The following ACADS variants were observed in gnomAD, a reference collection of about 807,000 sequenced individuals.
ACADS encodes acyl-CoA dehydrogenase short chain, also known as short-chain specific acyl-CoA dehydrogenase, mitochondrial.
ACADS carries 28 observed loss-of-function variants against 46.8 expected under a neutral mutation model. The observed-to-expected ratio is 0.60, with a 90% CI of 0.44 to 0.82. The LOEUF is 0.82. Among genes scored for constraint, ACADS ranks in the 40% least tolerant of loss-of-function variants. The pLI, the probability that ACADS is intolerant of heterozygous loss-of-function variation, is 0.00. For synonymous variants in ACADS, 236 were observed against 237.7 expected, an observed-to-expected ratio of 0.99 and a Z score of 0.07; for missense variants, 528 against 578.0, an observed-to-expected ratio of 0.91 and a Z score of 0.89.
At chr12:120,736,025 G>A (rs542592956) in intron 2 of ACADS, among the ~76,000 whole-genome samples, 1 of 151,830 alleles carries the variant, frequency 6.6e-6, no homozygotes, top group African/African-American at 2.4e-5. Flanking sequence ...CCCTGTCCCC[G>A]TCCCTGTCCC....
rs1883155865 is a variant in ACADS, at chr12:120,728,471, CTGTT to C, written c.210+1284_210+1287del. On this transcript the variant is annotated intron_variant, in intron 2 of 9. Transcript: ENST00000242592. This position sits in a 1 kb window ranked among gnomAD's most constrained non-coding sequence, Gnocchi z 4.0. ...AACCTCTCCGGCCTCTTCTCCTTGCCTGTTTTTTTTTTTAATTTTAATTTTAATT... is the reference window on the plus strand; with the variant it reads ...AACCTCTCCGGCCTCTTCTCCTTGCCTTTTTTTTTAATTTTAATTTTAATT... Among the ~76,000 whole-genome samples the C allele has an allele frequency of 7.8e-6, 1 of 128,810 alleles. No homozygotes were observed. The highest frequency in any genetic ancestry group is 1.7e-5 in the Non-Finnish European group (1 of 59,480). 84.5% of individuals were successfully genotyped at this position (128,810 alleles called of 152,430 possible).
chr12:120,736,553 G>C (rs928579424), intron 2 of ACADS, among the ~76,000 whole-genome samples: 7 of 152,228 alleles, frequency 4.6e-5, no homozygotes, highest in Non-Finnish European at 8.8e-5. Context: ...ATCAGAAGGA[G>C]AGGAGGGGCA....
chr12:120,735,472 C>CCT (rs1204449168), intron 2 of ACADS, among the ~76,000 whole-genome samples: 1 of 151,340 alleles, frequency 6.6e-6, no homozygotes, highest in Non-Finnish European at 1.5e-5. Context: ...CTCAGTCAGG[C>CCT]CTCAGAACAG....
At chr12:120,736,399 TG>T (rs1221205026) in intron 2 of ACADS, among the ~76,000 whole-genome samples, 1 of 152,186 alleles carries the variant, frequency 6.6e-6, no homozygotes, top group African/African-American at 2.4e-5. Context: ...TGTGCCCTCG[TG>T]GTGAAGGCAA....
chr12:120,737,225 T>A, intron 3 of ACADS, 90 bp downstream of exon 3: 3 of 1,537,908 alleles, frequency 2.0e-6, no homozygotes, highest in Non-Finnish European at 2.6e-6. Flanking sequence ...AGCCCTGATC[T>A]CTCTGGAGAC....
intron 2 of ACADS, among the ~76,000 whole-genome samples, chr12:120,727,426 T>C (rs1233117411): frequency 1.3e-5 from 2 of 152,254 alleles, no homozygotes; most frequent in Non-Finnish European, 2.9e-5. Flanking sequence ...TGCCAGCCAC[T>C]GTGCTCATTC....
intron 2 of ACADS, among the ~76,000 whole-genome samples, chr12:120,735,348 TAAAAAAAAAAAAAA>T (rs756263687): frequency 1.4e-5 from 1 of 72,244 alleles, no homozygotes; most frequent in Non-Finnish European, 2.6e-5. Context: ...GCGCAGTCCT[TAAAAAAAAAAAAAA>T]AAAAAAAAAA....
chr12:120,731,455 G>GTTTT (rs71076649), intron 2 of ACADS, among the ~76,000 whole-genome samples: 1 of 126,230 alleles, frequency 7.9e-6, no homozygotes, highest in Non-Finnish European at 1.6e-5. Context: ...TAATAAAATA[G>GTTTT]TTTTTTTTTT....
At position 120,732,288 on chromosome 12, in the gene ACADS, G is replaced by C. The variant is rs562857095; in HGVS notation, c.211-4698G>C. ...GCTGACCCCCACCTCCCTCCCGGAC[G>C]GGGCGGCTGGCCGGGCGGGGGCTGC... On this transcript the variant is annotated intron_variant, in intron 2 of 9. Transcript: ENST00000242592. Among the ~76,000 whole-genome samples the C allele has an allele frequency of 5.1e-3, 769 of 150,258 alleles. 6 individuals carry two copies. Among genetic ancestry groups the C allele is most frequent in the African/African-American group, 0.018 (744 of 40,486 alleles).
At position 120,728,629 on chromosome 12, in the gene ACADS, C is replaced by A. The variant is rs1883159118; in HGVS notation, c.210+1440C>A. On this transcript the variant is annotated intron_variant, in intron 2 of 9. Transcript: ENST00000242592. This position sits in a 1 kb window ranked among gnomAD's most constrained non-coding sequence, Gnocchi z 4.0. ...AAACAATTGTTTCCTGCCTCAGCCTCCCGAGTAGCTGGGATTACAGGCGCA... is the reference window on the plus strand; with the variant it reads ...AAACAATTGTTTCCTGCCTCAGCCTACCGAGTAGCTGGGATTACAGGCGCA... 6.6e-6 allele frequency among the ~76,000 whole-genome samples: 1 copy of A among 151,942 alleles called. No individual in the cohort carries two copies. Among genetic ancestry groups the A allele is most frequent in the Non-Finnish European group, 1.5e-5 (1 of 68,000 alleles).
chr12:120,732,213 C>A (rs1592936063), intron 2 of ACADS, among the ~76,000 whole-genome samples: 1 of 149,548 alleles, frequency 6.7e-6, no homozygotes, highest in Non-Finnish European at 1.5e-5. Flanking sequence ...TACGGGCGGC[C>A]GGGCAGAGGC....
In ACADS at chr12:120,737,876, G is replaced by A. The variant is rs751618843; in HGVS notation, c.512G>A (p.Arg171Gln). The change falls in exon 5 of 10, where the codon CGG becomes CAG. Residue 171 changes from arginine (R) to glutamine (Q), a missense_variant. Arg to Gln is a conservative substitution (Grantham distance 43). Transcript: ENST00000242592. ...SDAGAASTTA[R>Q]AEGDSWVLNG... Reference sequence around the variant, plus strand: ...GCAGGAGCTGCGTCCACCACCGCCCGGGCCGAGGGCGACTCATGGGTTCTG... The same window carrying A: ...GCAGGAGCTGCGTCCACCACCGCCCAGGCCGAGGGCGACTCATGGGTTCTG... The A allele has an allele frequency of 1.1e-5, 18 of 1,613,940 alleles. No individual in the cohort carries two copies. Among genetic ancestry groups the A allele is most frequent in the Non-Finnish European group, 1.4e-5 (16 of 1,179,974 alleles).
In ACADS at chr12:120,737,880, C is replaced by A. The variant is rs531683812; in HGVS notation, c.516C>A (p.Ala172=). 6.2e-7 allele frequency: 1 copy of A among 1,613,904 alleles called. No homozygotes were observed. Among genetic ancestry groups the A allele is most frequent in the African/African-American group, 1.3e-5 (1 of 74,890 alleles). ...GAGCTGCGTCCACCACCGCCCGGGC[C>A]GAGGGCGACTCATGGGTTCTGAATG... ...DAGAASTTAR[A]EGDSWVLNGT... is the part of the protein sequence containing the mutation. Residue 172 remains alanine, a synonymous_variant, in exon 5 of 10, where the codon GCC becomes GCA. Transcript: ENST00000242592.
chr12:120,732,237 C>T lies in ACADS; in HGVS notation c.211-4749C>T, dbSNP rs529471622. 9.5e-3 allele frequency among the ~76,000 whole-genome samples: 1,434 copies of T among 151,370 alleles called. 30 individuals carry two copies. The highest frequency in any genetic ancestry group is 0.033 in the African/African-American group (1,363 of 41,292). On this transcript the variant is annotated intron_variant, in intron 2 of 9. Coordinates refer to ENST00000242592, the MANE Select transcript of ACADS (RefSeq NM_000017.4). The stretch of plus-strand genomic sequence containing the variant: ...CCGGGCAGAGGCGCCCCTCACCTCC[C>T]GGACGGGGCGGCTGGCCGGGCGGGG...
At chr12:120,737,543 G>T in intron 4 of ACADS, 76 bp downstream of exon 4, 1 of 1,370,942 alleles carries the variant, frequency 7.3e-7, no homozygotes. Flanking sequence ...TAGGCCAACT[G>T]CCCACTGCTT....
Position 120,738,402 on chromosome 12 carries a change from C to T in ACADS, c.747C>T (p.Pro249=). ...TCATCTTTGAGGACTGTCGCATCCC[C>T]AAGGACAGCATCCTGGGGGAGCCAG... ...ANLIFEDCRI[P]KDSILGEPGM... The change falls in exon 6 of 10, where the codon CCC becomes CCT. Residue 249 remains proline (P), a synonymous_variant. Coordinates refer to ENST00000242592, the MANE Select transcript of ACADS (RefSeq NM_000017.4). The T allele has an allele frequency of 6.2e-7, 1 of 1,613,586 alleles. No individual in the cohort carries two copies. Among genetic ancestry groups the T allele is most frequent in the Non-Finnish European group, 8.5e-7 (1 of 1,180,024 alleles).
chr12:120,738,579 G>T lies in ACADS; in HGVS notation c.842G>T (p.Gly281Val), dbSNP rs762083095. Residue 281 changes from glycine (G) to valine (V), a missense_variant, in exon 7 of 10, where the codon GGC becomes GTC. Coordinates refer to ENST00000242592, the MANE Select transcript of ACADS (RefSeq NM_000017.4). ...ATCGGCATCGCCTCCCAGGCCCTGG[G>T]CATTGCCCAGACCGCCCTCGATTGT... ...GRIGIASQALGIAQTALDCAV... is the reference protein window; with the variant it reads ...GRIGIASQALVIAQTALDCAV... The T allele has an allele frequency of 3.7e-6, 6 of 1,612,606 alleles. No individual in the cohort carries two copies. The highest frequency in any genetic ancestry group is 4.2e-6 in the Non-Finnish European group (5 of 1,180,016).
In ACADS at chr12:120,738,318, G is replaced by T. The variant is rs751023929; in HGVS notation, c.663G>T (p.Gly221=). The part of the protein sequence containing the change: ...SAFLVPMPTP[G]LTLGKKEDKL... ...TCCTGGTCCCCATGCCAACGCCTGG[G>T]CTCACGTTGGGGAAGAAAGAAGACA... Residue 221 remains glycine (G), a synonymous_variant, in exon 6 of 10, where the codon GGG becomes GGT. Transcript: ENST00000242592. 121 of 1,614,096 alleles carry T rather than the reference G, an allele frequency of 7.5e-5. 1 individual carries two copies. In the Admixed American group the frequency reaches 2.0e-3, roughly 26 times the overall value.
In ACADS at chr12:120,737,096, T is replaced by C. The variant is rs3914; in HGVS notation, c.321T>C (p.Arg107=). The stretch of plus-strand genomic sequence containing the variant: ...CCATCGCCATGGAGGAGATCAGCCG[T>C]GGCTGCGCCTCCACCGGAGTCATCA... The part of the protein sequence containing the change: ...AYAIAMEEIS[R]GCASTGVIMS... The change falls in exon 3 of 10, where the codon CGT becomes CGC. Residue 107 remains arginine, a synonymous_variant. Coordinates refer to ENST00000242592, the MANE Select transcript of ACADS (RefSeq NM_000017.4). 753,214 of 1,593,530 alleles carry C rather than the reference T, an allele frequency of 0.47. 182,141 individuals are homozygous for C. The highest frequency in any genetic ancestry group is 0.65 in the South Asian group (56,832 of 88,070).
Sources: gnomAD v4.1 joint callset for allele counts (sites outside exome capture counted in the v4.1 genomes callset) on GRCh38, gnomAD v4.1.1 for gene constraint, Gnocchi (gnomAD v3.1) non-coding constraint, MANE v1.5 for transcripts, NCBI Gene and HGNC (gene_info 2026-07-23, HGNC 2026-07-21) for gene names.